The following MYH11 variants were observed in gnomAD, a reference collection of about 807,000 sequenced individuals.
The protein encoded by MYH11 is myosin heavy chain 11.
In MYH11, 80 loss-of-function variants were observed where a neutral mutation model predicts 246.6. The observed-to-expected ratio is 0.32, with a 90% CI of 0.27 to 0.39. The LOEUF is 0.39. MYH11 is among the 10% of genes least tolerant of loss of function. The probability of loss-of-function intolerance (pLI) is 1.00; values close to 1 mark genes in which losing one functional copy is unlikely to be tolerated. For missense variants in MYH11, 2,158 were observed against 2,546.8 expected (o/e 0.85, Z 3.29); for synonymous variants, 1,071 against 1,015.5 (o/e 1.05, Z -1.04).
In MYH11 at chr16:15,747,673, A is replaced by G. The variant is rs571704734; in HGVS notation, c.2308T>C (p.Phe770Leu). 11 of 1,614,096 alleles carry G rather than the reference A, an allele frequency of 6.8e-6. No homozygotes were observed. The highest frequency in any genetic ancestry group is 8.5e-6 in the Non-Finnish European group (10 of 1,180,004). Reference protein sequence around the residue: ...LYRIGQSKIFFRTGVLAHLEE... With the variant: ...LYRIGQSKIFLRTGVLAHLEE... ...AGGTGGGCCAGGACGCCAGTTCGGA[A>G]GAAGATTTTGCTCTGCCCTATCCTG... is the stretch of plus-strand genomic sequence containing the variant. Residue 770 changes from phenylalanine (F) to leucine (L), a missense_variant, in exon 19 of 41, where the codon TTC becomes CTC. Phe to Leu is a conservative substitution (Grantham distance 22). Around this residue, in one of 11 missense-constraint regions of MYH11, gnomAD observed 56 missense variants for 47.2 expected, o/e 1.19. Transcript: ENST00000300036.
intron 30 of MYH11, 90 bp downstream of exon 30, chr16:15,724,557 C>A (rs1567700180): frequency 6.2e-7 from 1 of 1,608,502 alleles, no homozygotes. Context: ...CACCATCGCA[C>A]CAACACTCCA....
intron 9 of MYH11, among the ~76,000 whole-genome samples, chr16:15,764,669 T>C (rs570782712): frequency 6.6e-6 from 1 of 152,232 alleles, no homozygotes; most frequent in Non-Finnish European, 1.5e-5. Context: ...AAGGTGCATG[T>C]GGGAGCTTCC....
chr16:15,711,075 G>T (rs1486747859), intron 40 of MYH11: 1 of 152,244 alleles, frequency 6.6e-6, no homozygotes, highest in Non-Finnish European at 1.5e-5. Context: ...CCTAGGCCTG[G>T]TTTCTCTCCT....
intron 27 of MYH11, among the ~76,000 whole-genome samples, chr16:15,727,689 G>C (rs1476935460): frequency 6.6e-6 from 1 of 152,288 alleles, no homozygotes; most frequent in Admixed American, 6.5e-5. Flanking sequence ...TTTAATGTTT[G>C]AAGGCATGCC....
intron 3 of MYH11, among the ~76,000 whole-genome samples, chr16:15,812,762 A>G (rs994958397): frequency 1.3e-5 from 2 of 152,042 alleles, no homozygotes; most frequent in African/African-American, 2.4e-5. Flanking sequence ...AGTCCCAGCT[A>G]CTTGGGGAGC....
intron 3 of MYH11, among the ~76,000 whole-genome samples, chr16:15,816,959 T>G (rs1374949227): frequency 6.6e-6 from 1 of 152,186 alleles, no homozygotes; most frequent in African/African-American, 2.4e-5. Context: ...CTACATGCAC[T>G]GATATGTAAC....
chr16:15,829,168 G>A (rs1437608764), intron 2 of MYH11, among the ~76,000 whole-genome samples: 2 of 150,314 alleles, frequency 1.3e-5, no homozygotes, highest in Non-Finnish European at 3.0e-5. Context: ...GGGTGACAAA[G>A]TGAGACTGTC....
intron 2 of MYH11, among the ~76,000 whole-genome samples, chr16:15,837,027 ATGTTTCTT>A (rs2043916251): frequency 6.6e-6 from 1 of 152,060 alleles, no homozygotes; most frequent in African/African-American, 2.4e-5. Flanking sequence ...ACCTGGTCTA[ATGTTTCTT>A]TTAATTAATT....
intron 9 of MYH11, among the ~76,000 whole-genome samples, chr16:15,766,722 C>T (rs1011805673): frequency 2.0e-5 from 3 of 152,142 alleles, no homozygotes; most frequent in Admixed American, 6.6e-5. Context: ...TTGTAGTGGC[C>T]GATCTCTCCT....
intron 1 of MYH11, among the ~76,000 whole-genome samples, chr16:15,847,468 G>A (rs1234724777): frequency 6.6e-6 from 1 of 151,988 alleles, no homozygotes; most frequent in Non-Finnish European, 1.5e-5. Flanking sequence ...TCCAGGCTGA[G>A]GTCTTGAACT....
intron 4 of MYH11, among the ~76,000 whole-genome samples, chr16:15,795,185 C>T (rs2042714820): frequency 6.6e-6 from 1 of 151,924 alleles, no homozygotes; most frequent in South Asian, 2.1e-4. Flanking sequence ...GCATAATACT[C>T]GGGAAGCTGA....
At chr16:15,827,876 C>G (rs2043614143) in intron 2 of MYH11, among the ~76,000 whole-genome samples, 1 of 152,188 alleles carries the variant, frequency 6.6e-6, no homozygotes, top group African/African-American at 2.4e-5. Flanking sequence ...CCAGGACAAG[C>G]CTCCCAAAGA....
intron 40 of MYH11, among the ~76,000 whole-genome samples, chr16:15,705,984 C>CAAAAAAAAAAAAAAAAAAAAA (rs57451847): frequency 5.3e-5 from 3 of 56,764 alleles, no homozygotes; most frequent in African/African-American, 1.1e-4. Flanking sequence ...GACTCCGTCT[C>CAAAAAAAAAAAAAAAAAAAAA]AAAAAAAAAA....
chr16:15,825,851 C>T lies in MYH11; in HGVS notation c.346-2440G>A, dbSNP rs560557086. Among the ~76,000 whole-genome samples, 8 of 152,074 alleles carry T rather than the reference C, an allele frequency of 5.3e-5. No homozygotes were observed. The South Asian group carries it at 1.5e-3, about 28-fold the overall frequency. On this transcript the variant is annotated intron_variant, in intron 2 of 40. Coordinates refer to ENST00000300036, the MANE Select transcript of MYH11 (RefSeq NM_002474.3). ...ACAGTTCAGGAGACAGGCTCCAACC[C>T]GTCTCACAGGAACTGCTTTCCCCAA... is the stretch of plus-strand genomic sequence containing the variant.
Position 15,759,803 on chromosome 16 carries a change from G to A in MYH11, c.1249-75C>T, listed in dbSNP as rs1596793833. The A allele has an allele frequency of 1.5e-5, 23 of 1,579,514 alleles. 1 individual carries two copies. The East Asian group carries it at 5.3e-4, about 36-fold the overall frequency. ...TCACATAAGCCAGGCTGGTGGTGAA[G>A]ATTTTTATTCTTGGCCGGGTGCAGT... On this transcript the variant is annotated intron_variant, in intron 11 of 40. Coordinates refer to ENST00000300036, the MANE Select transcript of MYH11 (RefSeq NM_002474.3).
intron 33 of MYH11, 89 bp from the exon 34 acceptor site, chr16:15,720,401 C>G: frequency 6.7e-7 from 1 of 1,501,456 alleles, no homozygotes; most frequent in South Asian, 1.2e-5. Flanking sequence ...CACCCCTTCC[C>G]CAGCACAGCC....
At chr16:15,828,282 G>C (rs541421473) in intron 2 of MYH11, among the ~76,000 whole-genome samples, 1 of 152,166 alleles carries the variant, frequency 6.6e-6, no homozygotes, top group East Asian at 1.9e-4. Flanking sequence ...TATGTAGTAG[G>C]TGCTCAATCA....
chr16:15,765,166 T>C (rs2041954113), intron 9 of MYH11, among the ~76,000 whole-genome samples: 1 of 151,924 alleles, frequency 6.6e-6, no homozygotes, highest in South Asian at 2.1e-4. Context: ...GATGAATGAA[T>C]AAATGGATAG....
chr16:15,719,933 A>G (rs1055117414), intron 34 of MYH11, among the ~76,000 whole-genome samples: 1 of 152,100 alleles, frequency 6.6e-6, no homozygotes, highest in Non-Finnish European at 1.5e-5. Flanking sequence ...TGAGCCCCTG[A>G]TGTGATCTGA....
Sources: allele counts gnomAD v4.1 joint callset (sites outside exome capture counted in the v4.1 genomes callset), GRCh38; gene constraint gnomAD v4.1.1; regional missense constraint gnomAD v4.1.1; transcripts MANE v1.5; gene names NCBI Gene and HGNC (gene_info 2026-07-23, HGNC 2026-07-21).